EVC: variants seen among roughly 807,000 people sequenced by gnomAD.
EVC encodes the protein evC complex member EVC.
A neutral mutation model predicts 118.9 loss-of-function variants in EVC; 116 were observed. The ratio of observed to expected loss-of-function variants is 0.98; its 90% CI spans 0.84 to 1.14. The LOEUF (loss-of-function observed/expected upper bound fraction) is 1.14, where lower values mean the gene tolerates loss of function less well. EVC is among the 50% of genes most tolerant of loss of function. The probability of loss-of-function intolerance (pLI) is 0.00; values close to 1 mark genes in which losing one functional copy is unlikely to be tolerated. For synonymous variants in EVC, 619 were observed against 534.7 expected, an observed-to-expected ratio of 1.16 and a Z score of -2.18; for missense variants, 1,401 against 1,246.4, an observed-to-expected ratio of 1.12 and a Z score of -1.87.
At chr4:5,821,838 A>T in the EVC span, 3 of 1,588,108 alleles carry the variant, frequency 1.9e-6, no homozygotes, top group Non-Finnish European at 2.6e-6. This position sits in a 1 kb window ranked among gnomAD's most constrained non-coding sequence, Gnocchi z 4.4. Flanking sequence ...GATTGTTGTC[A>T]TCTATCTGGG....
chr4:5,822,504 G>A, the EVC span, among the ~76,000 whole-genome samples: 2 of 148,774 alleles, frequency 1.3e-5, no homozygotes, highest in East Asian at 1.9e-4. Context: ...GGGGGGGGGG[G>A]TGGTGTGCAG....
At chr4:5,763,306 T>G (rs1299852289) in intron 11 of EVC, among the ~76,000 whole-genome samples, 3 of 146,988 alleles carry the variant, frequency 2.0e-5, no homozygotes, top group Non-Finnish European at 3.0e-5. Context: ...TACTGTAGCC[T>G]TGTAGTATAG....
intron 11 of EVC, among the ~76,000 whole-genome samples, chr4:5,768,855 CAA>C (rs1399578046): frequency 7.1e-6 from 1 of 140,226 alleles, no homozygotes. Flanking sequence ...AACTCTGTCT[CAA>C]AAAAAAAAAG....
intron 15 of EVC, among the ~76,000 whole-genome samples, chr4:5,800,463 G>T (rs10937679): frequency 6.6e-6 from 1 of 152,006 alleles, no homozygotes; most frequent in African/African-American, 2.4e-5. Flanking sequence ...GTGTGTGCCA[G>T]TGGGTACGGG....
intron 2 of EVC, among the ~76,000 whole-genome samples, chr4:5,723,276 G>A (rs1025582530): frequency 2.0e-5 from 3 of 149,190 alleles, no homozygotes; most frequent in Non-Finnish European, 4.4e-5. Context: ...TGCAACCTCT[G>A]CCTCCTGGAT....
At chr4:5,804,299 A>G (rs562838970) in intron 16 of EVC, among the ~76,000 whole-genome samples, 2 of 152,302 alleles carry the variant, frequency 1.3e-5, no homozygotes, top group East Asian at 3.9e-4. Flanking sequence ...CCTGCAAACA[A>G]GAAGGAGCTC....
rs1730034718 is a variant in EVC, at chr4:5,749,563, G to T, written c.1098+1257G>T. Among the ~76,000 whole-genome samples the T allele has an allele frequency of 6.6e-6, 1 of 152,080 alleles. No individual in the cohort carries two copies. Among genetic ancestry groups the T allele is most frequent in the Admixed American group, 6.5e-5 (1 of 15,270 alleles). On this transcript the variant is annotated intron_variant, in intron 8 of 20. Transcript: ENST00000264956. The surrounding 1 kb of genome is among the most constrained non-coding windows in gnomAD (Gnocchi z 4.4). ...TCTATTTATAAAATAATAGTGCTAA[G>T]AGTTGCCACAGACAGGGCCTGGCTA...
At chr4:5,753,495 T>C (rs1173633974) in intron 9 of EVC, among the ~76,000 whole-genome samples, 1 of 142,786 alleles carries the variant, frequency 7.0e-6, no homozygotes, top group Admixed American at 6.9e-5. Context: ...GTCCAGCATG[T>C]GGGGCAGGAA....
rs1037067664 is a variant in EVC at position 5,798,251 on chromosome 4, T to G, written c.2098-335T>G. Among the ~76,000 whole-genome samples the G allele has an allele frequency of 6.6e-6, 1 of 152,234 alleles. No homozygotes were observed. Among genetic ancestry groups the G allele is most frequent in the Non-Finnish European group, 1.5e-5 (1 of 68,040 alleles). ...TGACTTTAGAAAGTTACTTAACTTC[T>G]CTGAGCCTTCGTGTCCTCCTCAGTG... On this transcript the variant is annotated intron_variant, in intron 14 of 20. Coordinates refer to ENST00000264956, the MANE Select transcript of EVC (RefSeq NM_153717.3). The surrounding 1 kb of genome is among the most constrained non-coding windows in gnomAD (Gnocchi z 4.1).
intron 5 of EVC, among the ~76,000 whole-genome samples, chr4:5,740,820 GT>G (rs1728446167): frequency 6.6e-6 from 1 of 152,162 alleles, no homozygotes; most frequent in Non-Finnish European, 1.5e-5. Flanking sequence ...TAGATGGTAA[GT>G]AAACACGTAA....
chr4:5,790,909 C>T (rs1335618312), intron 12 of EVC, among the ~76,000 whole-genome samples: 1 of 152,122 alleles, frequency 6.6e-6, no homozygotes, highest in Non-Finnish European at 1.5e-5. Flanking sequence ...GCCTGTCCAA[C>T]ATGGTGAAAC....
At position 5,783,642 on chromosome 4, in the gene EVC, G is replaced by A; in HGVS notation, c.1654G>A (p.Glu552Lys). Residue 552 changes from glutamate to lysine, a missense_variant, in exon 12 of 21, where the codon GAA becomes AAA. By Grantham distance (56) the Glu-to-Lys change is moderately conservative (BLOSUM62 1). Transcript: ENST00000264956. ...CCCTGGCATGACTGGCCTCCCCCCG[G>A]AAGAGTGTGACTACTTGAGGCAGGA... ...TLPGMTGLPP[E>K]ECDYLRQEVQ... The A allele has an allele frequency of 3.7e-6, 6 of 1,614,182 alleles. No homozygotes were observed. The highest frequency in any genetic ancestry group is 5.1e-6 in the Non-Finnish European group (6 of 1,180,036).
rs373089143 is a variant in EVC at position 5,743,386 on chromosome 4, T to C, written c.801+1572T>C. Among the ~76,000 whole-genome samples the C allele has an allele frequency of 2.0e-4, 30 of 152,314 alleles. No homozygotes were observed. In the South Asian group the frequency reaches 5.8e-3, roughly 30 times the overall value. On this transcript the variant is annotated intron_variant, in intron 6 of 20. Transcript: ENST00000264956. This position sits in a 1 kb window ranked among gnomAD's most constrained non-coding sequence, Gnocchi z 4.7. ...CACCAGCCTCTTATTCATCATCCCC[T>C]GCCATCATTTTCATTATCATCATCA... is the stretch of plus-strand genomic sequence containing the variant.
chr4:5,757,523 G>T (rs747029224), intron 11 of EVC, among the ~76,000 whole-genome samples: 1 of 152,348 alleles, frequency 6.6e-6, no homozygotes, highest in East Asian at 1.9e-4. Context: ...AGGTTCTGGA[G>T]GCTGAAGCCC....
intron 12 of EVC, 70 bp downstream of exon 12, chr4:5,783,834 T>C: frequency 7.0e-7 from 1 of 1,431,590 alleles, no homozygotes; most frequent in South Asian, 1.2e-5. Context: ...GTGAGAGATC[T>C]CACGTCCTGA....
intron 11 of EVC, among the ~76,000 whole-genome samples, chr4:5,768,627 C>G (rs1229423358): frequency 6.6e-6 from 1 of 152,002 alleles, no homozygotes; most frequent in East Asian, 1.9e-4. Context: ...GAGGCTGAGG[C>G]AAGCGGATCA....
chr4:5,752,921 G>T lies in EVC; in HGVS notation c.1184G>T (p.Cys395Phe). ...CTGCAAGTCCAGGAGGAGACCAGGT[G>T]CCGGCTGGCTGCCATCTCCCACGGC... is the stretch of plus-strand genomic sequence containing the variant. ...LKLQVQEETRCRLAAISHGLE... is the reference protein window; with the variant it reads ...LKLQVQEETRFRLAAISHGLE... The change falls in exon 9 of 21, where the codon TGC (cysteine) becomes TTC (phenylalanine). Residue 395 changes from cysteine to phenylalanine, a missense_variant. Physicochemically the swap from Cys to Phe is radical, Grantham distance 205. Transcript: ENST00000264956. 6.2e-7 allele frequency: 1 copy of T among 1,614,172 alleles called. No individual in the cohort carries two copies. Among genetic ancestry groups the T allele is most frequent in the Non-Finnish European group, 8.5e-7 (1 of 1,180,038 alleles).
rs562387365 is a variant in EVC at position 5,756,575 on chromosome 4, G to A, written c.1563+213G>A. On this transcript the variant is annotated intron_variant, in intron 11 of 20. Transcript: ENST00000264956. This position sits in a 1 kb window ranked among gnomAD's most constrained non-coding sequence, Gnocchi z 4.2. The stretch of plus-strand genomic sequence containing the variant: ...TGGCCTTGGTCCTCTCTGAGGCACC[G>A]TCCATTTTTGGGGTGCTGAGGATTC... Among the ~76,000 whole-genome samples the A allele has an allele frequency of 4.6e-5, 7 of 152,330 alleles. No individual in the cohort carries two copies. Among genetic ancestry groups the A allele is most frequent in the East Asian group, 3.9e-4 (2 of 5,180 alleles).
intron 11 of EVC, among the ~76,000 whole-genome samples, chr4:5,773,692 T>G (rs1302769654): frequency 6.6e-6 from 1 of 152,074 alleles, no homozygotes; most frequent in African/African-American, 2.4e-5. Context: ...CCTTCCTTTT[T>G]TAAGGGAGTT....
Sources: gnomAD v4.1 joint callset for allele counts (sites outside exome capture counted in the v4.1 genomes callset) on GRCh38, gnomAD v4.1.1 for gene constraint, Gnocchi (gnomAD v3.1) non-coding constraint, MANE v1.5 for transcripts, NCBI Gene and HGNC (gene_info 2026-07-23, HGNC 2026-07-21) for gene names.